Variants in CNTNAP2 observed in about 807,000 individuals in gnomAD.
CNTNAP2 encodes the protein contactin associated protein 2.
Under a neutral mutation model 155.2 loss-of-function variants are expected in CNTNAP2, and 98 were observed. The observed-to-expected ratio is 0.63, with a 90% CI of 0.54 to 0.75. The LOEUF is 0.75. Among genes scored for constraint, CNTNAP2 ranks in the 30% least tolerant of loss-of-function variants. The pLI, the probability that CNTNAP2 is intolerant of heterozygous loss-of-function variation, is 0.00. For missense variants in CNTNAP2, 1,727 were observed against 1,688.1 expected (o/e 1.02, Z -0.40); for synonymous variants, 651 against 631.2 (o/e 1.03, Z -0.47).
intron 1 of CNTNAP2, among the ~76,000 whole-genome samples, chr7:146,442,037 C>G (rs1406226683): frequency 1.3e-5 from 2 of 151,576 alleles, no homozygotes; most frequent in African/African-American, 2.4e-5. Context: ...TATTTCTTCT[C>G]TTGGAGGAGT....
chr7:147,085,670 G>C (rs1460390962), intron 4 of CNTNAP2: 1 of 152,166 alleles, frequency 6.6e-6, no homozygotes, highest in Non-Finnish European at 1.5e-5. Flanking sequence ...TTCTGTAAGT[G>C]TAAACATTTT....
At chr7:146,793,284 T>C (rs1363745295) in intron 2 of CNTNAP2, among the ~76,000 whole-genome samples, 7 of 152,146 alleles carry the variant, frequency 4.6e-5, no homozygotes, top group Admixed American at 4.6e-4. Context: ...ATAAATGAAT[T>C]ATCAGTTTTA....
intron 12 of CNTNAP2, among the ~76,000 whole-genome samples, chr7:147,565,306 G>A (rs1297546564): frequency 6.6e-6 from 1 of 152,154 alleles, no homozygotes; most frequent in Non-Finnish European, 1.5e-5. Flanking sequence ...ATAAAGCAGG[G>A]GAAAGGTGGG....
chr7:147,697,855 A>G (rs1796185609), intron 13 of CNTNAP2, among the ~76,000 whole-genome samples: 1 of 152,156 alleles, frequency 6.6e-6, no homozygotes, highest in Non-Finnish European at 1.5e-5. Flanking sequence ...TCCCTACTAG[A>G]AGCAAAAGGG....
intron 12 of CNTNAP2, among the ~76,000 whole-genome samples, chr7:147,631,845 A>G (rs957902761): frequency 2.0e-5 from 3 of 152,222 alleles, no homozygotes; most frequent in Non-Finnish European, 4.4e-5. Flanking sequence ...GATTGATCAA[A>G]GACTTAAATG....
chr7:147,686,884 A>G (rs571025907), intron 13 of CNTNAP2, among the ~76,000 whole-genome samples: 25 of 152,162 alleles, frequency 1.6e-4, no homozygotes, highest in African/African-American at 5.5e-4. Context: ...TAATTTTTAA[A>G]GAGAGGGTTA....
chr7:147,765,885 C>CA (rs1797375134), intron 13 of CNTNAP2, among the ~76,000 whole-genome samples: 1 of 151,798 alleles, frequency 6.6e-6, no homozygotes, highest in African/African-American at 2.4e-5. Context: ...ACTACCCAGC[C>CA]AAAAAAGGGA....
At chr7:146,287,498 T>C (rs115385962) in intron 1 of CNTNAP2, among the ~76,000 whole-genome samples, 1,530 of 152,294 alleles carry the variant, frequency 0.01, 39 homozygotes, top group African/African-American at 0.035. Context: ...AATCCTTGTT[T>C]GCAAAGATAT....
At chr7:147,100,182 G>T (rs1800626082) in intron 4 of CNTNAP2, among the ~76,000 whole-genome samples, 2 of 152,014 alleles carry the variant, frequency 1.3e-5, no homozygotes, top group South Asian at 2.1e-4. Context: ...GAGGCATAGG[G>T]TACCTCAGTG....
intron 8 of CNTNAP2, among the ~76,000 whole-genome samples, chr7:147,248,921 A>G (rs1419019628): frequency 2.0e-5 from 3 of 152,204 alleles, no homozygotes; most frequent in African/African-American, 7.2e-5. Flanking sequence ...AGGACGAAGC[A>G]CAGGAATGTT....
At chr7:148,169,646 C>T (rs938148425) in intron 17 of CNTNAP2, among the ~76,000 whole-genome samples, 3 of 152,136 alleles carry the variant, frequency 2.0e-5, no homozygotes, top group Non-Finnish European at 4.4e-5. Flanking sequence ...AAGATGTTCT[C>T]GTTGTACATT....
At chr7:147,268,890 C>T (rs942067727) in intron 8 of CNTNAP2, among the ~76,000 whole-genome samples, 2 of 152,064 alleles carry the variant, frequency 1.3e-5, no homozygotes, top group African/African-American at 4.8e-5. Context: ...AAGCTTTATA[C>T]AAATTGGAGG....
intron 13 of CNTNAP2, among the ~76,000 whole-genome samples, chr7:147,848,585 C>T (rs1186310529): frequency 1.3e-5 from 2 of 151,996 alleles, no homozygotes; most frequent in Non-Finnish European, 2.9e-5. Context: ...GAGCTGTAGA[C>T]CGGAGCTGTT....
intron 4 of CNTNAP2, among the ~76,000 whole-genome samples, chr7:147,092,588 T>C (rs555420080): frequency 1.3e-5 from 2 of 152,286 alleles, no homozygotes; most frequent in African/African-American, 2.4e-5. Flanking sequence ...AATAAAATAT[T>C]TGTTTTTATG....
intron 8 of CNTNAP2, among the ~76,000 whole-genome samples, chr7:147,289,675 C>A (rs1805258520): frequency 6.6e-6 from 1 of 152,134 alleles, no homozygotes; most frequent in Non-Finnish European, 1.5e-5. Flanking sequence ...TGATGTTTGT[C>A]TTTTGGCTAG....
rs142937921 is a variant in CNTNAP2, at chr7:147,717,911, A to T, written c.2098+78605A>T. 1.2e-4 allele frequency among the ~76,000 whole-genome samples: 18 copies of T among 151,822 alleles called. No individual in the cohort carries two copies. In the East Asian group the frequency reaches 3.3e-3, roughly 28 times the overall value. On this transcript the variant is annotated intron_variant, in intron 13 of 23. Transcript: ENST00000361727. ...CATAAATACATAGCAATGTAAAGGTAGCGCAAATAGCCTAATTTCCTCTGT... is the reference window on the plus strand; with the variant it reads ...CATAAATACATAGCAATGTAAAGGTTGCGCAAATAGCCTAATTTCCTCTGT...
chr7:146,703,315 T>C (rs548756670), intron 1 of CNTNAP2, among the ~76,000 whole-genome samples: 1 of 152,250 alleles, frequency 6.6e-6, no homozygotes, highest in South Asian at 2.1e-4. Context: ...AGTGTATGTC[T>C]CATGATATGA....
chr7:147,422,377 A>G (rs1398300512), intron 10 of CNTNAP2, among the ~76,000 whole-genome samples: 1 of 151,454 alleles, frequency 6.6e-6, no homozygotes, highest in Non-Finnish European at 1.5e-5. Context: ...CGGTATATAC[A>G]TTGTGTATGT....
chr7:147,963,137 G>A (rs1364580095), intron 14 of CNTNAP2, among the ~76,000 whole-genome samples: 1 of 152,092 alleles, frequency 6.6e-6, no homozygotes, highest in Non-Finnish European at 1.5e-5. Flanking sequence ...TCACATTGCA[G>A]TAAAGAGGAC....
Sources: gnomAD v4.1 joint callset for allele counts (sites outside exome capture counted in the v4.1 genomes callset) on GRCh38, gnomAD v4.1.1 for gene constraint, MANE v1.5 for transcripts, NCBI Gene and HGNC (gene_info 2026-07-23, HGNC 2026-07-21) for gene names.